The following DNAJA3 variants were observed in gnomAD, a reference collection of about 807,000 sequenced individuals.
DNAJA3 encodes dnaJ homolog subfamily A member 3, mitochondrial.
A neutral mutation model predicts 54.9 loss-of-function variants in DNAJA3; 29 were observed. The observed-to-expected ratio is 0.53, with a 90% confidence interval of 0.39 to 0.72. DNAJA3 has a LOEUF of 0.72. Among genes scored for constraint, DNAJA3 ranks in the 30% least tolerant of loss-of-function variants. The probability of loss-of-function intolerance (pLI) is 0.00; values close to 1 mark genes in which losing one functional copy is unlikely to be tolerated. For synonymous variants in DNAJA3, 302 were observed against 251.4 expected, an observed-to-expected ratio of 1.20 and a Z score of -1.90; for missense variants, 708 against 639.4, an observed-to-expected ratio of 1.11 and a Z score of -1.16.
rs551165647 is a variant in DNAJA3 at position 4,437,588 on chromosome 16, G to A, written c.429+103G>A. On this transcript the variant is annotated intron_variant, in intron 3 of 11. Transcript: ENST00000262375. ...AGCCTGGTGTGTCATACAGTCCAGT[G>A]TGAAGGCCATGTCCCTGCGCCAAGT... 1.3e-4 allele frequency: 119 copies of A among 888,274 alleles called. No homozygotes were observed. In the African/African-American group the frequency reaches 1.6e-3, roughly 12 times the overall value. The allele number at this position is 888,274 out of a possible 1,614,324, so 55.0% of individuals were successfully genotyped here. A position where few individuals can be genotyped will look rare whatever the true frequency, so the allele number is the denominator to read the frequency against.
chr16:4,433,048 A>C (rs1174617510), intron 1 of DNAJA3, among the ~76,000 whole-genome samples: 1 of 152,130 alleles, frequency 6.6e-6, no homozygotes, highest in Non-Finnish European at 1.5e-5. Flanking sequence ...AGGCTGAGGC[A>C]GGAGAATGGC....
chr16:4,433,159 C>T (rs2056728238), intron 1 of DNAJA3: 1 of 152,174 alleles, frequency 6.6e-6, no homozygotes, highest in Non-Finnish European at 1.5e-5. Context: ...AAAAAACCTG[C>T]TCTTCCTATC....
Position 4,437,402 on chromosome 16 carries a change from C to G in DNAJA3, c.346C>G (p.Leu116Val). Reference protein sequence around the residue: ...QKEIKKAYYQLAKKYHPDTNK... With the variant: ...QKEIKKAYYQVAKKYHPDTNK... ...GTAATTTATCATGTTTTTCCCTTAGCTTGCCAAGAAGTATCACCCTGACAC... is the reference window on the plus strand; with the variant it reads ...GTAATTTATCATGTTTTTCCCTTAGGTTGCCAAGAAGTATCACCCTGACAC... Residue 116 changes from leucine to valine, a missense_variant and splice_region_variant, in exon 3 of 12, where the codon CTT (leucine) becomes GTT (valine). Coordinates refer to ENST00000262375, the MANE Select transcript of DNAJA3 (RefSeq NM_005147.6). The G allele has an allele frequency of 6.2e-7, 1 of 1,613,828 alleles. No individual in the cohort carries two copies. Among genetic ancestry groups the G allele is most frequent in the Non-Finnish European group, 8.5e-7 (1 of 1,179,812 alleles).
Position 4,448,819 on chromosome 16 carries a change from C to G in DNAJA3, c.1212C>G (p.His404Gln), listed in dbSNP as rs764425444. Residue 404 changes from histidine (H) to glutamine (Q), a missense_variant, in exon 9 of 12, where the codon CAC becomes CAG. Transcript: ENST00000262375. Reference sequence around the variant, plus strand: ...TTAACAGCTACGGCTACGGAGACCACTACATCCACATCAAGATACGAGTTC... The same window carrying G: ...TTAACAGCTACGGCTACGGAGACCAGTACATCCACATCAAGATACGAGTTC... ...PRINSYGYGD[H>Q]YIHIKIRVPK... 3.7e-6 allele frequency: 6 copies of G among 1,614,042 alleles called. No individual in the cohort carries two copies. The South Asian group carries it at 6.6e-5, about 18-fold the overall frequency.
chr16:4,439,438 C>G (rs2056813498), intron 3 of DNAJA3, among the ~76,000 whole-genome samples: 1 of 152,078 alleles, frequency 6.6e-6, no homozygotes, highest in Non-Finnish European at 1.5e-5. Context: ...ACTGCAGTCT[C>G]AAACTCTTGG....
chr16:4,439,653 G>C (rs2141379761), intron 3 of DNAJA3, among the ~76,000 whole-genome samples: 1 of 152,284 alleles, frequency 6.6e-6, no homozygotes. Flanking sequence ...GCTGACTTCT[G>C]TCTTCAAGGG....
At chr16:4,450,534 GC>G in intron 10 of DNAJA3, 37 bp downstream of exon 10, 1 of 1,515,602 alleles carries the variant, frequency 6.6e-7, no homozygotes, top group Non-Finnish European at 9.0e-7. Flanking sequence ...ACACGTGGGG[GC>G]CTCAGAGCCC....
At chr16:4,446,831 G>T in intron 7 of DNAJA3, 55 bp from the exon 8 acceptor site, 1 of 1,601,480 alleles carries the variant, frequency 6.2e-7, no homozygotes, top group Non-Finnish European at 8.5e-7. Flanking sequence ...CATGCAGCTG[G>T]TGTTTAGTCT....
chr16:4,446,719 A>T (rs2056905820), intron 7 of DNAJA3, among the ~76,000 whole-genome samples, 167 bp from the exon 8 acceptor site: 2 of 152,050 alleles, frequency 1.3e-5, no homozygotes, highest in Non-Finnish European at 2.9e-5. Flanking sequence ...TGGGCCTGGG[A>T]TGGTGTCTCC....
chr16:4,430,226 T>C (rs888343426), intron 1 of DNAJA3, among the ~76,000 whole-genome samples: 1 of 151,850 alleles, frequency 6.6e-6, no homozygotes, highest in Non-Finnish European at 1.5e-5. Flanking sequence ...AGTAGTAAGA[T>C]GACATAACAA....
intron 2 of DNAJA3, among the ~76,000 whole-genome samples, chr16:4,437,083 G>T (rs1275252923): frequency 6.6e-6 from 1 of 152,154 alleles, no homozygotes; most frequent in East Asian, 1.9e-4. Flanking sequence ...TGATTCTCGT[G>T]CTTCAGCCTC....
intron 2 of DNAJA3, among the ~76,000 whole-genome samples, 154 bp downstream of exon 2, chr16:4,434,671 G>C (rs1031093669): frequency 2.6e-5 from 4 of 152,092 alleles, no homozygotes; most frequent in African/African-American, 9.7e-5. Flanking sequence ...TTGCTAGACT[G>C]TTTTTCGATG....
At chr16:4,448,918 C>A in intron 9 of DNAJA3, 70 bp downstream of exon 9, 2 of 1,207,666 alleles carry the variant, frequency 1.7e-6, no homozygotes, top group Non-Finnish European at 2.4e-6. Flanking sequence ...AGCTCTGTGG[C>A]TTGGGCAGGT....
In DNAJA3 at chr16:4,441,171, T is replaced by C. The variant is rs1425370469; in HGVS notation, c.430-204T>C. 8.7e-6 allele frequency: 5 copies of C among 576,536 alleles called. No homozygotes were observed. The Admixed American group carries it at 1.7e-4, about 20-fold the overall frequency. The allele number at this position is 576,536 out of a possible 1,614,324, so 35.7% of individuals were successfully genotyped here. On this transcript the variant is annotated intron_variant, in intron 3 of 11. Coordinates refer to ENST00000262375, the MANE Select transcript of DNAJA3 (RefSeq NM_005147.6). The stretch of plus-strand genomic sequence containing the variant: ...AGTTCGTGAGACTTTTGGAAGCACT[T>C]CACGCCCTACACTTAGCATTCAGTT...
intron 8 of DNAJA3, 123 bp from the exon 9 acceptor site, chr16:4,448,610 G>A: frequency 1.4e-6 from 1 of 694,224 alleles, no homozygotes; most frequent in Non-Finnish European, 2.5e-6. Flanking sequence ...CCAAAGTGAT[G>A]GGAGCGTGAG....
chr16:4,441,943 G>C (rs555383343), intron 4 of DNAJA3, among the ~76,000 whole-genome samples: 3 of 152,186 alleles, frequency 2.0e-5, no homozygotes, highest in African/African-American at 7.2e-5. Flanking sequence ...GGAAGAGAGA[G>C]GGGATATATT....
At chr16:4,438,660 A>T (rs1275387028) in intron 3 of DNAJA3, among the ~76,000 whole-genome samples, 4 of 114,848 alleles carry the variant, frequency 3.5e-5, no homozygotes, top group Non-Finnish European at 1.7e-5. Flanking sequence ...TTTTTGCTTA[A>T]GAGACAGGGT....
intron 10 of DNAJA3, among the ~76,000 whole-genome samples, chr16:4,451,558 A>T (rs899424497): frequency 7.9e-5 from 12 of 151,802 alleles, no homozygotes; most frequent in Non-Finnish European, 1.6e-4. Context: ...GGAGTTTGAG[A>T]CCAGCCTGGA....
intron 10 of DNAJA3, among the ~76,000 whole-genome samples, chr16:4,453,921 T>G (rs923340902): frequency 6.6e-6 from 1 of 152,204 alleles, no homozygotes; most frequent in Non-Finnish European, 1.5e-5. Context: ...GCTCTACAAT[T>G]AACATGCCAA....
Sources: gnomAD v4.1 joint callset for allele counts (sites outside exome capture counted in the v4.1 genomes callset) on GRCh38, gnomAD v4.1.1 for gene constraint, MANE v1.5 for transcripts, NCBI Gene and HGNC (gene_info 2026-07-23, HGNC 2026-07-21) for gene names.